Variants in R3HDM2 observed in about 807,000 individuals in gnomAD.
R3HDM2 encodes the protein R3H domain-containing protein 2.
Under a neutral mutation model 124.5 loss-of-function variants are expected in R3HDM2, and 38 were observed. The ratio of observed to expected loss-of-function variants is 0.31; its 90% CI spans 0.24 to 0.40. The LOEUF is 0.40. Ranked by LOEUF, R3HDM2 falls within the 10% of genes least tolerant of loss-of-function variation. The pLI is 1.00. For missense variants in R3HDM2, 869 were observed against 1,236.9 expected, an observed-to-expected ratio of 0.70 and a Z score of 4.46; for synonymous variants, 391 against 448.0, an observed-to-expected ratio of 0.87 and a Z score of 1.61.
In R3HDM2 at chr12:57,283,728, ACT is replaced by A. The variant is rs1422457269; in HGVS notation, c.1171+94_1171+95del. ...CATTCCAGCCTGGGCAACAGAGGAG[ACT>A]CTGTCTCAAAAAAAAAAGTAAATAT... On this transcript the variant is annotated intron_variant, in intron 13 of 23. Transcript: ENST00000402412. 5.7e-6 allele frequency: 7 copies of A among 1,218,466 alleles called. No homozygotes were observed. The Admixed American group carries it at 9.0e-5, about 16-fold the overall frequency. 75.5% of individuals were successfully genotyped at this position (1,218,466 alleles called of 1,614,324 possible). A position where few individuals can be genotyped will look rare whatever the true frequency, so the allele number is the denominator to read the frequency against.
At chr12:57,377,078 C>CTAAATAAA (rs142655309) in intron 2 of R3HDM2, among the ~76,000 whole-genome samples, 3,651 of 128,010 alleles carry the variant, frequency 0.029, 78 homozygotes, top group African/African-American at 0.053. Flanking sequence ...TGGGTCCACG[C>CTAAATAAA]TAAATAAATA....
intron 18 of R3HDM2, 85 bp from the exon 19 acceptor site, chr12:57,266,916 C>G: frequency 1.0e-6 from 1 of 1,002,482 alleles, no homozygotes; most frequent in Non-Finnish European, 1.5e-6. Context: ...TCCTGGTCCT[C>G]CCCTATGGGA....
chr12:57,387,235 A>G (rs1217513465), intron 2 of R3HDM2, among the ~76,000 whole-genome samples: 1 of 152,130 alleles, frequency 6.6e-6, no homozygotes, highest in African/African-American at 2.4e-5. Flanking sequence ...GCTCTTTGCA[A>G]TAAATCTTGC....
intron 23 of R3HDM2, among the ~76,000 whole-genome samples, 166 bp downstream of exon 23, chr12:57,255,824 G>A (rs184850024): frequency 2.7e-4 from 41 of 152,286 alleles, no homozygotes; most frequent in African/African-American, 8.4e-4. Context: ...GCTTGGTAGG[G>A]AGGACTGAGA....
intron 1 of R3HDM2, among the ~76,000 whole-genome samples, chr12:57,415,994 C>T (rs2069550601): frequency 6.6e-6 from 1 of 152,056 alleles, no homozygotes; most frequent in Admixed American, 6.6e-5. Flanking sequence ...GTTGAGATAA[C>T]TGAAGAAATT....
chr12:57,324,828 C>A (rs571142960), intron 2 of R3HDM2, among the ~76,000 whole-genome samples: 1 of 152,286 alleles, frequency 6.6e-6, no homozygotes, highest in Admixed American at 6.5e-5. Flanking sequence ...AAAGTCCTTA[C>A]CCTCAGTACC....
intron 2 of R3HDM2, among the ~76,000 whole-genome samples, chr12:57,342,467 C>T (rs2059663428): frequency 6.7e-6 from 1 of 148,282 alleles, no homozygotes; most frequent in Admixed American, 7.0e-5. Flanking sequence ...GGCACATACA[C>T]TCACAGACAC....
chr12:57,337,156 T>C (rs2058960611), intron 2 of R3HDM2, among the ~76,000 whole-genome samples: 1 of 152,042 alleles, frequency 6.6e-6, no homozygotes, highest in Admixed American at 6.6e-5. Context: ...TTGTTGTTGT[T>C]GTTGTTGTTG....
intron 2 of R3HDM2, among the ~76,000 whole-genome samples, chr12:57,318,476 C>A (rs1428366015): frequency 6.6e-6 from 1 of 151,870 alleles, no homozygotes; most frequent in Admixed American, 6.6e-5. Context: ...TAGTGAAACC[C>A]CATCTCTACT....
intron 2 of R3HDM2, among the ~76,000 whole-genome samples, chr12:57,358,620 G>A (rs1248827741): frequency 1.3e-5 from 2 of 151,158 alleles, no homozygotes; most frequent in East Asian, 3.9e-4. Context: ...CTCCAGCCTG[G>A]GTGACAGAAT....
chr12:57,255,401 C>T (rs966187511), intron 23 of R3HDM2, among the ~76,000 whole-genome samples: 1 of 152,202 alleles, frequency 6.6e-6, no homozygotes, highest in African/African-American at 2.4e-5. Context: ...TACCTCAGTT[C>T]TCTCACAAGG....
intron 2 of R3HDM2, among the ~76,000 whole-genome samples, chr12:57,328,032 T>C (rs774134700): frequency 1.3e-3 from 201 of 152,134 alleles, no homozygotes; most frequent in Admixed American, 2.2e-3. Flanking sequence ...GAGACATCTT[T>C]CATGAAAGGA....
chr12:57,430,653 G>T, intron 1 of R3HDM2, 67 bp downstream of exon 1: 1 of 928,258 alleles, frequency 1.1e-6, no homozygotes, highest in Non-Finnish European at 1.3e-6. Flanking sequence ...CCGCCCGTGC[G>T]GCCGCCACGC....
chr12:57,391,671 A>G (rs946125949), intron 2 of R3HDM2, among the ~76,000 whole-genome samples: 1 of 152,246 alleles, frequency 6.6e-6, no homozygotes, highest in Non-Finnish European at 1.5e-5. Context: ...TAGTTATGTG[A>G]TGTTACCAAT....
At chr12:57,305,998 G>T (rs2052492430) in intron 3 of R3HDM2, among the ~76,000 whole-genome samples, 1 of 152,222 alleles carries the variant, frequency 6.6e-6, no homozygotes. Flanking sequence ...ACATCATCTG[G>T]ATTGAGTTTT....
At chr12:57,303,263 C>A in intron 3 of R3HDM2, 46 bp from the exon 4 acceptor site, 1 of 1,438,840 alleles carries the variant, frequency 7.0e-7, no homozygotes, top group South Asian at 1.2e-5. Context: ...AGAAAATCGA[C>A]ATGTAAGTTA....
At chr12:57,387,045 G>A (rs1290983789) in intron 2 of R3HDM2, among the ~76,000 whole-genome samples, 2 of 152,024 alleles carry the variant, frequency 1.3e-5, no homozygotes, top group Non-Finnish European at 2.9e-5. Context: ...AATCTAGTGG[G>A]GACGTGGAGA....
intron 14 of R3HDM2, among the ~76,000 whole-genome samples, chr12:57,277,099 C>CAAA (rs11321648): frequency 9.4e-6 from 1 of 106,444 alleles, no homozygotes. Context: ...AAATAATGAA[C>CAAA]AAAAAAAAAA....
At chr12:57,421,597 C>T (rs1172089054) in intron 1 of R3HDM2, among the ~76,000 whole-genome samples, 2 of 151,618 alleles carry the variant, frequency 1.3e-5, no homozygotes, top group Non-Finnish European at 2.9e-5. Flanking sequence ...AGCCTTGATT[C>T]CCAGGTTTAG....
Sources: allele counts gnomAD v4.1 joint callset (sites outside exome capture counted in the v4.1 genomes callset), GRCh38; gene constraint gnomAD v4.1.1; transcripts MANE v1.5; gene names NCBI Gene and HGNC (gene_info 2026-07-23, HGNC 2026-07-21).